The following ATG10 variants were observed in gnomAD, a reference collection of about 807,000 sequenced individuals.
ATG10 encodes the protein autophagy related 10.
A neutral mutation model predicts 32.1 loss-of-function variants in ATG10; 30 were observed. The ratio of observed to expected loss-of-function variants is 0.94; its 90% CI spans 0.70 to 1.27. ATG10 has a LOEUF of 1.27. Ranked by LOEUF, ATG10 falls within the 50% of genes most tolerant of loss-of-function variation. The pLI is 0.00. For missense variants in ATG10, 233 were observed against 262.3 expected, an observed-to-expected ratio of 0.89 and a Z score of 0.77; for synonymous variants, 87 against 91.5, an observed-to-expected ratio of 0.95 and a Z score of 0.28.
At position 82,119,986 on chromosome 5, in the gene ATG10, G is replaced by T. The variant is rs1269778623; in HGVS notation, c.217-44413G>T. 3.1e-4 allele frequency among the ~76,000 whole-genome samples: 14 copies of T among 44,800 alleles called. No homozygotes were observed. In the South Asian group the frequency reaches 4.7e-3, roughly 15 times the overall value. 29.4% of individuals were successfully genotyped at this position (44,800 alleles called of 152,430 possible). On this transcript the variant is annotated intron_variant, in intron 3 of 7. Transcript: ENST00000282185. Reference sequence around the variant, plus strand: ...TGGCTGTAGGAGTCCACCATTTATTGTGTGTGTGTGTGTGTGTGTGTGTGT... The same window carrying T: ...TGGCTGTAGGAGTCCACCATTTATTTTGTGTGTGTGTGTGTGTGTGTGTGT...
chr5:82,016,950 A>G (rs1291614822), intron 2 of ATG10, among the ~76,000 whole-genome samples: 1 of 152,066 alleles, frequency 6.6e-6, no homozygotes. Flanking sequence ...TTAGCCTCCC[A>G]CAGTGCCTGG....
At position 82,028,037 on chromosome 5, in the gene ATG10, A is replaced by G. The variant is rs367789415; in HGVS notation, c.109-30458A>G. 2.0e-4 allele frequency among the ~76,000 whole-genome samples: 30 copies of G among 152,356 alleles called. No individual in the cohort carries two copies. The South Asian group carries it at 6.0e-3, about 31-fold the overall frequency. ...AGCTAAATAAACCAGTTACAAGGTCACACCATTAAAAGCTAAAGCCAAACT... is the reference window on the plus strand; with the variant it reads ...AGCTAAATAAACCAGTTACAAGGTCGCACCATTAAAAGCTAAAGCCAAACT... On this transcript the variant is annotated intron_variant, in intron 2 of 7. Transcript: ENST00000282185.
intron 2 of ATG10, among the ~76,000 whole-genome samples, chr5:82,027,590 T>C (rs545834470): frequency 2.2e-4 from 33 of 152,306 alleles, no homozygotes; most frequent in African/African-American, 7.5e-4. Context: ...ACTCTATAAA[T>C]AGATTTTATG....
At chr5:82,212,242 C>T (rs1449950125) in intron 5 of ATG10, among the ~76,000 whole-genome samples, 1 of 152,188 alleles carries the variant, frequency 6.6e-6, no homozygotes, top group Non-Finnish European at 1.5e-5. Context: ...TACCCACACT[C>T]TCTGCCTTTG....
rs570953339 is a variant in ATG10, at chr5:82,027,746, A to G, written c.109-30749A>G. On this transcript the variant is annotated intron_variant, in intron 2 of 7. Transcript: ENST00000282185. ...AGCATATTCACAAAACAAACACAGT[A>G]TCAAAAAAGTTAGTCACTAGTTAGG... 3.9e-5 allele frequency among the ~76,000 whole-genome samples: 6 copies of G among 152,374 alleles called. No individual in the cohort carries two copies. In the South Asian group the frequency reaches 1.2e-3, roughly 32 times the overall value.
rs574357809 is a variant in ATG10 at position 82,192,499 on chromosome 5, G to C, written c.453+13912G>C. Among the ~76,000 whole-genome samples the C allele has an allele frequency of 2.0e-5, 3 of 152,248 alleles. No individual in the cohort carries two copies. The South Asian group carries it at 6.2e-4, about 32-fold the overall frequency. On this transcript the variant is annotated intron_variant, in intron 5 of 7. Coordinates refer to ENST00000282185, the MANE Select transcript of ATG10 (RefSeq NM_031482.5). ...TGGGCTCTGGAGTCAGAAACACTTG[G>C]GTTCTTACTCAGGTTCTTCTACTTA...
At chr5:81,979,444 C>G (rs897419878) in intron 1 of ATG10, among the ~76,000 whole-genome samples, 33 of 152,172 alleles carry the variant, frequency 2.2e-4, no homozygotes, top group African/African-American at 7.7e-4. Context: ...AGGAGAATGG[C>G]GTGAACTCGG....
chr5:82,198,437 A>C (rs1284462394), intron 5 of ATG10, among the ~76,000 whole-genome samples: 1 of 152,058 alleles, frequency 6.6e-6, no homozygotes, highest in Non-Finnish European at 1.5e-5. Context: ...TAATTTTTGT[A>C]TTTTTAATAG....
chr5:82,046,925 G>C (rs1377107931), intron 2 of ATG10, among the ~76,000 whole-genome samples: 8 of 150,896 alleles, frequency 5.3e-5, no homozygotes, highest in African/African-American at 1.7e-4. Flanking sequence ...ATAAGATTGG[G>C]AGTAACTTTA....
chr5:82,223,911 A>T lies in ATG10; in HGVS notation c.454-28651A>T, dbSNP rs542688548. On this transcript the variant is annotated intron_variant, in intron 5 of 7. Coordinates refer to ENST00000282185, the MANE Select transcript of ATG10 (RefSeq NM_031482.5). ...ATGAGGGAGTATTCGAGATAGGGGG[A>T]TGAACCCAGAGGTGAGGAAACACTA... Among the ~76,000 whole-genome samples the T allele has an allele frequency of 3.3e-5, 5 of 152,272 alleles. No homozygotes were observed. In the Middle Eastern group the frequency reaches 0.01, roughly 311 times the overall value.
chr5:82,215,715 C>T (rs943903123), intron 5 of ATG10, among the ~76,000 whole-genome samples: 1 of 152,000 alleles, frequency 6.6e-6, no homozygotes, highest in African/African-American at 2.4e-5. Flanking sequence ...GCAGGTGGAT[C>T]ACCTGAGGTC....
intron 1 of ATG10, among the ~76,000 whole-genome samples, chr5:81,982,005 C>G (rs1240783507): frequency 6.6e-6 from 1 of 152,228 alleles, no homozygotes; most frequent in Non-Finnish European, 1.5e-5. Context: ...TTTGGAAAGA[C>G]TACCCTCACT....
At chr5:82,139,942 G>GC (rs1424471199) in intron 3 of ATG10, among the ~76,000 whole-genome samples, 1 of 135,608 alleles carries the variant, frequency 7.4e-6, no homozygotes, top group African/African-American at 2.8e-5. Flanking sequence ...GGGAGGTGGG[G>GC]GGGTCAGCCC....
intron 3 of ATG10, among the ~76,000 whole-genome samples, chr5:82,112,816 T>C (rs1022105083): frequency 6.6e-6 from 1 of 151,916 alleles, no homozygotes; most frequent in African/African-American, 2.4e-5. Flanking sequence ...AGTGATAGAA[T>C]GATTTTATTG....
At chr5:82,244,386 C>T (rs1040238893) in intron 5 of ATG10, among the ~76,000 whole-genome samples, 8 of 152,210 alleles carry the variant, frequency 5.3e-5, no homozygotes, top group African/African-American at 1.9e-4. Context: ...CATGGATGAC[C>T]TTAAGCATAA....
At chr5:81,999,132 A>G (rs1761757779) in intron 2 of ATG10, among the ~76,000 whole-genome samples, 1 of 150,050 alleles carries the variant, frequency 6.7e-6, no homozygotes, top group African/African-American at 2.4e-5. Flanking sequence ...AGACATAAAA[A>G]AATCCTCAGC....
chr5:82,070,828 A>G (rs1764107636), intron 3 of ATG10, among the ~76,000 whole-genome samples: 1 of 151,968 alleles, frequency 6.6e-6, no homozygotes, highest in South Asian at 2.1e-4. Context: ...CTTTTTCGTT[A>G]TTTGTTCCAA....
At chr5:82,234,920 A>G (rs1379390505) in intron 5 of ATG10, among the ~76,000 whole-genome samples, 3 of 152,200 alleles carry the variant, frequency 2.0e-5, no homozygotes, top group Non-Finnish European at 4.4e-5. Context: ...TGCAGCATTT[A>G]TAATTTAAAC....
rs79914291 is a variant in ATG10, at chr5:81,995,662, A to G, written c.108+7984A>G. ...AATGTGCTAAAGTATTCACATAATT[A>G]TATAAACACTAAAGTACAGACAAAA... is the stretch of plus-strand genomic sequence containing the variant. On this transcript the variant is annotated intron_variant, in intron 2 of 7. Coordinates refer to ENST00000282185, the MANE Select transcript of ATG10 (RefSeq NM_031482.5). Among the ~76,000 whole-genome samples the G allele has an allele frequency of 5.3e-3, 802 of 152,290 alleles. 5 individuals carry two copies. The highest frequency in any genetic ancestry group is 0.018 in the African/African-American group (757 of 41,556).
Sources: allele counts gnomAD v4.1 joint callset (sites outside exome capture counted in the v4.1 genomes callset), GRCh38; gene constraint gnomAD v4.1.1; transcripts MANE v1.5; gene names NCBI Gene and HGNC (gene_info 2026-07-23, HGNC 2026-07-21).